CADPS: variants seen among roughly 807,000 people sequenced by gnomAD.
CADPS encodes calcium dependent secretion activator.
A neutral mutation model predicts 167.3 loss-of-function variants in CADPS; 57 were observed. The observed-to-expected ratio is 0.34, with a 90% CI of 0.28 to 0.42. The LOEUF (loss-of-function observed/expected upper bound fraction) is 0.42, where lower values mean the gene tolerates loss of function less well. Ranked by LOEUF, CADPS falls within the 20% of genes least tolerant of loss-of-function variation. The probability of loss-of-function intolerance (pLI) is 1.00; values close to 1 mark genes in which losing one functional copy is unlikely to be tolerated. For synonymous variants in CADPS, 676 were observed against 635.3 expected, an observed-to-expected ratio of 1.06 and a Z score of -0.96; for missense variants, 1,414 against 1,738.1, an observed-to-expected ratio of 0.81 and a Z score of 3.32.
chr3:62,482,699 A>C (rs1476355287), intron 21 of CADPS, among the ~76,000 whole-genome samples: 1 of 152,206 alleles, frequency 6.6e-6, no homozygotes, highest in Non-Finnish European at 1.5e-5. Context: ...TTACCCTTGG[A>C]AGTGGGACAG....
chr3:62,693,395 C>A (rs1194764492), intron 3 of CADPS, among the ~76,000 whole-genome samples: 4 of 152,132 alleles, frequency 2.6e-5, no homozygotes, highest in African/African-American at 9.7e-5. Flanking sequence ...ATTGTGTATA[C>A]AGAACCCAGC....
At chr3:62,656,319 G>A (rs1190195388) in intron 4 of CADPS, among the ~76,000 whole-genome samples, 2 of 152,048 alleles carry the variant, frequency 1.3e-5, no homozygotes, top group Non-Finnish European at 2.9e-5. Context: ...TGGACACTAG[G>A]TGAAAACTTT....
At chr3:62,613,573 C>A (rs957027012) in intron 6 of CADPS, among the ~76,000 whole-genome samples, 4 of 152,122 alleles carry the variant, frequency 2.6e-5, no homozygotes, top group African/African-American at 9.7e-5. Context: ...ACTATAGAAC[C>A]CTTTTTCCAA....
At chr3:62,561,563 C>T (rs2079172873) in intron 9 of CADPS, among the ~76,000 whole-genome samples, 1 of 152,064 alleles carries the variant, frequency 6.6e-6, no homozygotes, top group African/African-American at 2.4e-5. Flanking sequence ...AGCCACCACA[C>T]CTGGCCAGAT....
At chr3:62,463,972 G>A (rs1040909820) in intron 26 of CADPS, among the ~76,000 whole-genome samples, 7 of 152,132 alleles carry the variant, frequency 4.6e-5, no homozygotes, top group African/African-American at 7.2e-5. Context: ...ATTAATGTAT[G>A]GGTTGGGGAA....
At chr3:62,568,424 C>T (rs1046549969) in intron 9 of CADPS, among the ~76,000 whole-genome samples, 5 of 152,344 alleles carry the variant, frequency 3.3e-5, no homozygotes, top group East Asian at 1.9e-4. Context: ...GACTGCTTGC[C>T]GAGTCTTCAG....
chr3:62,843,673 G>A (rs879042506), intron 1 of CADPS, among the ~76,000 whole-genome samples: 1 of 152,188 alleles, frequency 6.6e-6, no homozygotes, highest in Non-Finnish European at 1.5e-5. Flanking sequence ...GCTCCAGCCA[G>A]TCAGTCCTGC....
intron 1 of CADPS, among the ~76,000 whole-genome samples, chr3:62,778,789 T>A (rs942052873): frequency 6.6e-6 from 1 of 152,248 alleles, no homozygotes; most frequent in Non-Finnish European, 1.5e-5. Context: ...CGAACTCAAC[T>A]ATGGTATATT....
intron 1 of CADPS, among the ~76,000 whole-genome samples, chr3:62,859,287 G>A (rs914327507): frequency 2.0e-5 from 3 of 152,138 alleles, no homozygotes; most frequent in Admixed American, 6.6e-5. Context: ...TTATGCTGCA[G>A]CAGACTTGTA....
At chr3:62,766,806 A>G (rs2087003108) in intron 1 of CADPS, among the ~76,000 whole-genome samples, 1 of 152,156 alleles carries the variant, frequency 6.6e-6, no homozygotes, top group Admixed American at 6.5e-5. Context: ...GCACTAATTT[A>G]TGAAGTCCTT....
chr3:62,537,909 A>C (rs2075022962), intron 11 of CADPS, among the ~76,000 whole-genome samples: 1 of 152,100 alleles, frequency 6.6e-6, no homozygotes, highest in Non-Finnish European at 1.5e-5. Flanking sequence ...ACTTTTTTAA[A>C]AAAACGTTGT....
At chr3:62,588,059 G>A (rs1197324229) in intron 7 of CADPS, among the ~76,000 whole-genome samples, 2 of 152,134 alleles carry the variant, frequency 1.3e-5, no homozygotes, top group African/African-American at 2.4e-5. Context: ...TGGCCGCCAC[G>A]ACCCACCCCC....
Position 62,874,517 on chromosome 3 carries a change from A to T in CADPS, c.441+72T>A. 8.4e-7 allele frequency: 1 copy of T among 1,193,590 alleles called. No homozygotes were observed. Among genetic ancestry groups the T allele is most frequent in the Non-Finnish European group, 1.2e-6 (1 of 837,938 alleles). The allele number at this position is 1,193,590 out of a possible 1,614,324, so 73.9% of individuals were successfully genotyped here. Reference sequence around the variant, plus strand: ...GCTCCTCCTCGCCAGCTGCGCCGCCAGCTCCCATTGTTCACCCCGCCCGCC... The same window carrying T: ...GCTCCTCCTCGCCAGCTGCGCCGCCTGCTCCCATTGTTCACCCCGCCCGCC... On this transcript the variant is annotated intron_variant, in intron 1 of 29. Transcript: ENST00000383710. The surrounding 1 kb of genome is among the most constrained non-coding windows in gnomAD (Gnocchi z 7.1).
intron 26 of CADPS, among the ~76,000 whole-genome samples, chr3:62,448,851 T>A (rs1438505044): frequency 6.6e-5 from 10 of 152,114 alleles, no homozygotes; most frequent in Admixed American, 5.9e-4. Flanking sequence ...TGACCTCAGG[T>A]GATCTGCCTG....
rs577673605 is a variant in CADPS at position 62,620,750 on chromosome 3, C to A, written c.1325+24972G>T. The stretch of plus-strand genomic sequence containing the variant: ...TGGAACTGGCATTCAGCAAATGCAG[C>A]ACCCTTTGAAACCAACACCCTTGCT... On this transcript the variant is annotated intron_variant, in intron 6 of 29. Coordinates refer to ENST00000383710, the MANE Select transcript of CADPS (RefSeq NM_003716.4). Among the ~76,000 whole-genome samples the A allele has an allele frequency of 3.9e-5, 6 of 152,276 alleles. No individual in the cohort carries two copies. The South Asian group carries it at 6.2e-4, about 16-fold the overall frequency.
chr3:62,593,154 C>A (rs2086439231), intron 6 of CADPS, among the ~76,000 whole-genome samples: 1 of 152,178 alleles, frequency 6.6e-6, no homozygotes, highest in African/African-American at 2.4e-5. Flanking sequence ...TGGTTCAAGC[C>A]AACACCTGAC....
intron 3 of CADPS, among the ~76,000 whole-genome samples, chr3:62,701,537 A>G (rs933258647): frequency 2.7e-5 from 4 of 148,350 alleles, no homozygotes; most frequent in Admixed American, 1.4e-4. Flanking sequence ...TGAACACGGG[A>G]GGCAGAGGTT....
intron 1 of CADPS, among the ~76,000 whole-genome samples, chr3:62,786,473 C>T (rs968992644): frequency 6.6e-6 from 1 of 152,048 alleles, no homozygotes; most frequent in Non-Finnish European, 1.5e-5. Context: ...AAGACCCTAT[C>T]TCTAAAAAAA....
At chr3:62,790,169 A>G (rs1389573360) in intron 1 of CADPS, among the ~76,000 whole-genome samples, 1 of 152,210 alleles carries the variant, frequency 6.6e-6, no homozygotes, top group Non-Finnish European at 1.5e-5. Context: ...ATGCAGGAAA[A>G]TGTTCATAAA....
Sources: allele counts gnomAD v4.1 joint callset (sites outside exome capture counted in the v4.1 genomes callset), GRCh38; gene constraint gnomAD v4.1.1; non-coding constraint Gnocchi (gnomAD v3.1); transcripts MANE v1.5; gene names NCBI Gene and HGNC (gene_info 2026-07-23, HGNC 2026-07-21).